The following MYRIP variants were observed in gnomAD, a reference collection of about 807,000 sequenced individuals.
MYRIP encodes the protein rab effector MyRIP.
MYRIP carries 49 observed loss-of-function variants against 98.0 expected under a neutral mutation model. The observed-to-expected ratio is 0.50, with a 90% confidence interval of 0.40 to 0.63. The LOEUF is 0.63. Among genes scored for constraint, MYRIP ranks in the 30% least tolerant of loss-of-function variants. The pLI, the probability that MYRIP is intolerant of heterozygous loss-of-function variation, is 0.00. For synonymous variants in MYRIP, 404 were observed against 409.5 expected (o/e 0.99, Z 0.16); for missense variants, 1,004 against 1,058.2 (o/e 0.95, Z 0.71).
intron 1 of MYRIP, among the ~76,000 whole-genome samples, chr3:39,875,433 A>G (rs1003748908): frequency 3.3e-5 from 5 of 151,186 alleles, no homozygotes; most frequent in African/African-American, 1.2e-4. Flanking sequence ...TTGTGATGTT[A>G]GGGTGTCAAT....
At chr3:39,860,200 G>A (rs541085711) in intron 1 of MYRIP, among the ~76,000 whole-genome samples, 1 of 152,294 alleles carries the variant, frequency 6.6e-6, no homozygotes, top group African/African-American at 2.4e-5. Flanking sequence ...TGACTCCTGG[G>A]GAAGGTGTGA....
At position 39,820,788 on chromosome 3, in the gene MYRIP, C is replaced by A. The variant is rs1575272035; in HGVS notation, c.-31+10872C>A. Among the ~76,000 whole-genome samples the A allele has an allele frequency of 2.6e-5, 4 of 152,236 alleles. No individual in the cohort carries two copies. The South Asian group carries it at 8.3e-4, about 32-fold the overall frequency. ...TCTGTGGTCCAGAGGATGTCAGGTG[C>A]CTCTCCTAGAACTGCAGATCTTGCA... On this transcript the variant is annotated intron_variant, in intron 1 of 16. Transcript: ENST00000302541.
At chr3:40,208,883 C>T (rs2125663692) in intron 10 of MYRIP, 1 of 152,310 alleles carries the variant, frequency 6.6e-6, no homozygotes, top group Middle Eastern at 3.4e-3. Flanking sequence ...AATGCCTCTT[C>T]CTCTCCATTC....
At chr3:39,884,267 T>C (rs538513679) in intron 1 of MYRIP, among the ~76,000 whole-genome samples, 32 of 152,206 alleles carry the variant, frequency 2.1e-4, no homozygotes, top group African/African-American at 7.5e-4. Context: ...TCAGACAAGA[T>C]GGCATGGACT....
At chr3:39,841,972 G>A (rs997421450) in intron 1 of MYRIP, among the ~76,000 whole-genome samples, 2 of 152,234 alleles carry the variant, frequency 1.3e-5, no homozygotes, top group Non-Finnish European at 2.9e-5. Context: ...TCCCTTAGCA[G>A]AGCTTGAGCA....
At chr3:40,084,953 A>T (rs1948590270) in intron 3 of MYRIP, among the ~76,000 whole-genome samples, 1 of 149,644 alleles carries the variant, frequency 6.7e-6, no homozygotes, top group Non-Finnish European at 1.5e-5. Context: ...TTACATGTCG[A>T]TAGATAATAT....
chr3:40,185,098 C>G (rs533217238), intron 9 of MYRIP, among the ~76,000 whole-genome samples: 1 of 152,102 alleles, frequency 6.6e-6, no homozygotes, highest in Non-Finnish European at 1.5e-5. Context: ...AGAAGCGTTC[C>G]GAAGGTGGAG....
At chr3:40,230,638 C>T (rs745750706) in intron 11 of MYRIP, among the ~76,000 whole-genome samples, 13 of 152,142 alleles carry the variant, frequency 8.5e-5, no homozygotes, top group Non-Finnish European at 1.8e-4. Context: ...ATGGTCCACA[C>T]CCACCCTCAG....
intron 1 of MYRIP, among the ~76,000 whole-genome samples, chr3:39,855,991 G>C (rs954690286): frequency 6.6e-6 from 1 of 152,196 alleles, no homozygotes; most frequent in African/African-American, 2.4e-5. Context: ...GAGACTGGGA[G>C]TGTCTTCAAA....
chr3:40,216,874 A>C (rs1952136747), intron 11 of MYRIP, among the ~76,000 whole-genome samples: 2 of 152,214 alleles, frequency 1.3e-5, no homozygotes, highest in African/African-American at 4.8e-5. Flanking sequence ...TCAAAGAAAC[A>C]CATGACAAAG....
At chr3:39,927,251 A>G (rs1308316690) in intron 2 of MYRIP, among the ~76,000 whole-genome samples, 1 of 152,022 alleles carries the variant, frequency 6.6e-6, no homozygotes, top group Non-Finnish European at 1.5e-5. Context: ...TTTTTTAGGT[A>G]TAGAATCATT....
chr3:40,126,926 G>A (rs1949536799), intron 3 of MYRIP, among the ~76,000 whole-genome samples: 1 of 152,164 alleles, frequency 6.6e-6, no homozygotes, highest in South Asian at 2.1e-4. Context: ...AAAGTTCTCT[G>A]CAGACCTCAG....
intron 2 of MYRIP, among the ~76,000 whole-genome samples, chr3:40,017,875 C>T (rs1946902861): frequency 6.6e-6 from 1 of 151,982 alleles, no homozygotes; most frequent in African/African-American, 2.4e-5. Context: ...GAAGGCTTTC[C>T]CTCTTTTCAC....
At chr3:40,213,074 T>C (rs1187859645) in intron 11 of MYRIP, among the ~76,000 whole-genome samples, 1 of 152,240 alleles carries the variant, frequency 6.6e-6, no homozygotes, top group African/African-American at 2.4e-5. Context: ...CTAACTGGTC[T>C]CCTGACCCTG....
chr3:40,167,300 C>A, intron 7 of MYRIP, 61 bp downstream of exon 7: 1 of 1,464,640 alleles, frequency 6.8e-7, no homozygotes, highest in African/African-American at 1.4e-5. Context: ...TGCAGGGACT[C>A]TGGCAAGTAG....
chr3:40,232,397 G>C, intron 11 of MYRIP, among the ~76,000 whole-genome samples: 1 of 152,198 alleles, frequency 6.6e-6, no homozygotes, highest in African/African-American at 2.4e-5. Flanking sequence ...CTAGTGAAGT[G>C]GGAGGGCCAT....
At position 39,882,353 on chromosome 3, in the gene MYRIP, G is replaced by A. The variant is rs34864234; in HGVS notation, c.-30-18434G>A. On this transcript the variant is annotated intron_variant, in intron 1 of 16. Coordinates refer to ENST00000302541, the MANE Select transcript of MYRIP (RefSeq NM_015460.4). ...ATCAAAGGATATATTAGGCTTGTAC[G>A]TTGGGCAACTTTGCATGTCCAGCTG... Among the ~76,000 whole-genome samples, 1,492 of 152,182 alleles carry A rather than the reference G, an allele frequency of 9.8e-3. 15 individuals are homozygous for A. The highest frequency in any genetic ancestry group is 0.031 in the African/African-American group (1,294 of 41,516).
intron 2 of MYRIP, among the ~76,000 whole-genome samples, chr3:39,943,683 C>G (rs1054759582): frequency 6.6e-6 from 1 of 152,084 alleles, no homozygotes; most frequent in African/African-American, 2.4e-5. Context: ...TGAAAAAGAC[C>G]TGGAAGGGAT....
chr3:40,023,776 GC>G (rs1012325685), intron 2 of MYRIP, among the ~76,000 whole-genome samples: 1 of 152,136 alleles, frequency 6.6e-6, no homozygotes, highest in Non-Finnish European at 1.5e-5. Flanking sequence ...GAAGAAAGAG[GC>G]TTGGTCCCAA....
Sources: allele counts gnomAD v4.1 joint callset (sites outside exome capture counted in the v4.1 genomes callset), GRCh38; gene constraint gnomAD v4.1.1; transcripts MANE v1.5; gene names NCBI Gene and HGNC (gene_info 2026-07-23, HGNC 2026-07-21).